CLEC16A: variants seen among roughly 807,000 people sequenced by gnomAD.
CLEC16A encodes the protein protein CLEC16A.
A neutral mutation model predicts 109.5 loss-of-function variants in CLEC16A; 51 were observed. That is an observed-to-expected ratio of 0.47 (90% CI 0.37 to 0.59). The LOEUF (loss-of-function observed/expected upper bound fraction) is 0.59. CLEC16A is among the 20% of genes least tolerant of loss of function. The pLI, the probability that CLEC16A is intolerant of heterozygous loss-of-function variation, is 0.00. For missense variants in CLEC16A, 1,339 were observed against 1,394.0 expected (o/e 0.96, Z 0.63); for synonymous variants, 673 against 564.2 (o/e 1.19, Z -2.73).
chr16:11,083,712 G>T (rs993559055), intron 19 of CLEC16A, among the ~76,000 whole-genome samples: 3 of 152,248 alleles, frequency 2.0e-5, no homozygotes, highest in African/African-American at 7.2e-5. Flanking sequence ...TAAACAGGTG[G>T]CCCTGGCCCT....
At chr16:11,098,351 A>T (rs1444014222) in intron 19 of CLEC16A, among the ~76,000 whole-genome samples, 1 of 152,244 alleles carries the variant, frequency 6.6e-6, no homozygotes, top group Non-Finnish European at 1.5e-5. Flanking sequence ...GCAGAAAGGG[A>T]CAGGGGACCA....
At chr16:11,042,447 G>A in intron 15 of CLEC16A, 84 bp downstream of exon 15, 1 of 1,111,264 alleles carries the variant, frequency 9.0e-7, no homozygotes, top group Non-Finnish European at 1.3e-6. Flanking sequence ...ATCCAGATAG[G>A]AGCCCTGGCC....
intron 22 of CLEC16A, among the ~76,000 whole-genome samples, chr16:11,166,040 A>G (rs1435933423): frequency 6.6e-6 from 1 of 152,172 alleles, no homozygotes; most frequent in Non-Finnish European, 1.5e-5. Context: ...GAGGGCATCT[A>G]GCATCCCTGG....
intron 13 of CLEC16A, among the ~76,000 whole-genome samples, chr16:11,026,305 G>A (rs1465624993): frequency 1.3e-5 from 2 of 152,150 alleles, no homozygotes; most frequent in African/African-American, 4.8e-5. Context: ...TGTCTTTGGT[G>A]GAAGGTTTTT....
At chr16:11,136,798 A>C (rs1200034935) in intron 22 of CLEC16A, among the ~76,000 whole-genome samples, 1 of 152,206 alleles carries the variant, frequency 6.6e-6, no homozygotes, top group African/African-American at 2.4e-5. Context: ...AGCCCAGCAC[A>C]CATCCTGTCC....
intron 22 of CLEC16A, among the ~76,000 whole-genome samples, chr16:11,153,368 A>G (rs2054371242): frequency 6.6e-6 from 1 of 152,048 alleles, no homozygotes; most frequent in Admixed American, 6.6e-5. Flanking sequence ...TAAGGTTTTT[A>G]TGACCCCTGG....
chr16:10,997,531 C>T (rs1313072732), intron 10 of CLEC16A, among the ~76,000 whole-genome samples: 1 of 152,192 alleles, frequency 6.6e-6, no homozygotes, highest in Admixed American at 6.5e-5. Context: ...ATAAAATTCA[C>T]TCTCTTAACT....
At chr16:11,034,197 T>A (rs2046899007) in intron 13 of CLEC16A, among the ~76,000 whole-genome samples, 1 of 152,208 alleles carries the variant, frequency 6.6e-6, no homozygotes, top group Non-Finnish European at 1.5e-5. Flanking sequence ...GGCTGACACA[T>A]AACCAGAATT....
chr16:10,944,747 C>T lies in CLEC16A; in HGVS notation c.30C>T (p.Gly10=), dbSNP rs772173858. MFGRSRSWV[G]GGHGKTSRNI... ...TTGGCCGCTCGCGGAGCTGGGTGGG[C>T]GGGGGCCATGGCAAGACTTCCCGCA... The change falls in exon 1 of 24, where the codon GGC becomes GGT. Residue 10 remains glycine, a synonymous_variant. Transcript: ENST00000409790. 3.7e-6 allele frequency: 6 copies of T among 1,609,116 alleles called. No individual in the cohort carries two copies. The highest frequency in any genetic ancestry group is 4.5e-5 in the East Asian group (2 of 44,812).
chr16:11,035,606 C>T (rs182681733), intron 13 of CLEC16A, among the ~76,000 whole-genome samples: 10 of 152,284 alleles, frequency 6.6e-5, no homozygotes, highest in Admixed American at 2.6e-4. Context: ...TCAGCTTCCT[C>T]GTCTATAAAA....
In CLEC16A at chr16:11,178,905, C is replaced by T; in HGVS notation, c.*215C>T. On this transcript the variant is annotated 3_prime_UTR_variant, in exon 24 of 24. Transcript: ENST00000409790. This position sits in a 1 kb window ranked among gnomAD's most constrained non-coding sequence, Gnocchi z 6.5. ...CATCTCTTCACGTGCAGGCTGGGAC[C>T]AGCGGAGACACCGCGGCGAATGCAG... The T allele has an allele frequency of 4.0e-6, 2 of 505,298 alleles. No homozygotes were observed. Among genetic ancestry groups the T allele is most frequent in the Non-Finnish European group, 6.9e-6 (2 of 289,622 alleles). The allele number at this position is 505,298 out of a possible 1,614,324, so 31.3% of individuals were successfully genotyped here. A position where few individuals can be genotyped will look rare whatever the true frequency, so the allele number is the denominator to read the frequency against.
intron 22 of CLEC16A, among the ~76,000 whole-genome samples, chr16:11,145,272 C>T (rs573194420): frequency 5.9e-5 from 9 of 152,312 alleles, no homozygotes; most frequent in Non-Finnish European, 8.8e-5. Context: ...CTGATGGGGC[C>T]GGCCTTAGGG....
At position 10,944,770 on chromosome 16, in the gene CLEC16A, G is replaced by T. The variant is rs746229271; in HGVS notation, c.53G>T (p.Arg18Leu). 8 of 1,609,564 alleles carry T rather than the reference G, an allele frequency of 5.0e-6. No individual in the cohort carries two copies. Among genetic ancestry groups the T allele is most frequent in the South Asian group, 1.1e-5 (1 of 90,348 alleles). Residue 18 changes from arginine to leucine, a missense_variant, in exon 1 of 24, where the codon CGC (arginine) becomes CTC (leucine). By Grantham distance (102) the Arg-to-Leu change is moderately radical. This residue lies in a region of CLEC16A where 117 missense variants were observed against 120.2 expected (regional missense o/e 0.97). Coordinates refer to ENST00000409790, the MANE Select transcript of CLEC16A (RefSeq NM_015226.3). ...GGCGGGGGCCATGGCAAGACTTCCC[G>T]CAACATCCACTCCTTGGACCACCTC... ...WVGGGHGKTS[R>L]NIHSLDHLKY...
At chr16:11,123,991 G>C (rs201701096) in intron 21 of CLEC16A, 45 bp downstream of exon 21, 164 of 1,538,578 alleles carry the variant, frequency 1.1e-4, no homozygotes, top group Non-Finnish European at 9.1e-5. Context: ...GCACTTGGTG[G>C]GTCAGGGCTG....
intron 19 of CLEC16A, among the ~76,000 whole-genome samples, chr16:11,099,602 A>C (rs903451359): frequency 6.6e-6 from 1 of 152,190 alleles, no homozygotes; most frequent in Non-Finnish European, 1.5e-5. Flanking sequence ...GGAAACAAGA[A>C]AGGCAAGGGT....
At chr16:11,028,405 C>A (rs1214256985) in intron 13 of CLEC16A, among the ~76,000 whole-genome samples, 1 of 152,008 alleles carries the variant, frequency 6.6e-6, no homozygotes, top group Admixed American at 6.5e-5. Context: ...TACAAGGCTC[C>A]CTAAGACTCC....
intron 22 of CLEC16A, among the ~76,000 whole-genome samples, chr16:11,129,801 C>T (rs187092002): frequency 7.5e-5 from 11 of 145,882 alleles, no homozygotes; most frequent in South Asian, 4.3e-4. Context: ...CTCTCTCTGT[C>T]GCCCAGGCTG....
At chr16:11,169,502 G>C (rs971747644) in intron 23 of CLEC16A, among the ~76,000 whole-genome samples, 2 of 152,122 alleles carry the variant, frequency 1.3e-5, no homozygotes, top group African/African-American at 4.8e-5. Context: ...GGCCAGGCTG[G>C]TCTTGAACTA....
chr16:11,083,857 C>T (rs1371360344), intron 19 of CLEC16A, among the ~76,000 whole-genome samples: 1 of 152,202 alleles, frequency 6.6e-6, no homozygotes, highest in African/African-American at 2.4e-5. Context: ...TCTTACAGGG[C>T]TCAAGGGGAT....
Sources: allele counts gnomAD v4.1 joint callset (sites outside exome capture counted in the v4.1 genomes callset), GRCh38; gene constraint gnomAD v4.1.1; regional missense constraint gnomAD v4.1.1; non-coding constraint Gnocchi (gnomAD v3.1); transcripts MANE v1.5; gene names NCBI Gene and HGNC (gene_info 2026-07-23, HGNC 2026-07-21).